Variants in NREP observed in about 807,000 individuals in gnomAD.
The protein encoded by NREP is neuronal regeneration-related protein.
Under a neutral mutation model 8.6 loss-of-function variants are expected in NREP, and 5 were observed. The ratio of observed to expected loss-of-function variants is 0.58; its 90% CI spans 0.30 to 1.22. NREP has a LOEUF of 1.22. Ranked by LOEUF, NREP falls within the 50% of genes most tolerant of loss-of-function variation. NREP has a pLI of 0.07. For synonymous variants in NREP, 27 were observed against 28.0 expected, an observed-to-expected ratio of 0.96 and a Z score of 0.11; for missense variants, 86 against 82.5, an observed-to-expected ratio of 1.04 and a Z score of -0.17.
At chr5:111,755,911 G>T in intron 1 of NREP, 81 bp from the exon 2 acceptor site, 1 of 1,573,196 alleles carries the variant, frequency 6.4e-7, no homozygotes, top group Non-Finnish European at 8.6e-7. Context: ...AGAGGTTACA[G>T]ACGAATAACC....
chr5:111,888,045 G>A (rs1754304001), intron 2 of NREP, among the ~76,000 whole-genome samples: 1 of 152,298 alleles, frequency 6.6e-6, no homozygotes, highest in East Asian at 1.9e-4. Flanking sequence ...AGTATTGAAG[G>A]AAAACAATGA....
chr5:111,775,541 T>C (rs957869090), intron 2 of NREP, among the ~76,000 whole-genome samples: 1 of 152,174 alleles, frequency 6.6e-6, no homozygotes, highest in Non-Finnish European at 1.5e-5. Context: ...CTTTTATACA[T>C]GCGGTCTTCC....
intron 2 of NREP, among the ~76,000 whole-genome samples, chr5:111,890,780 G>A (rs1006198848): frequency 4.6e-5 from 7 of 152,190 alleles, no homozygotes; most frequent in African/African-American, 1.4e-4. Flanking sequence ...GTCTCAGACT[G>A]GGTAAGGTAG....
At chr5:111,854,666 A>G (rs750897934) in intron 2 of NREP, among the ~76,000 whole-genome samples, 1 of 152,190 alleles carries the variant, frequency 6.6e-6, no homozygotes, top group African/African-American at 2.4e-5. Context: ...ATTCATGTAT[A>G]TGTCTGTTTC....
chr5:111,782,441 A>G lies in NREP; in HGVS notation c.136-46934T>C, dbSNP rs373771638. Reference sequence around the variant, plus strand: ...AATGGCAAGCCTCAGAGATGTGATCATATATTCTGCCAAACTTGGAACAAA... The same window carrying G: ...AATGGCAAGCCTCAGAGATGTGATCGTATATTCTGCCAAACTTGGAACAAA... On this transcript the variant is annotated intron_variant, in intron 2 of 3. Coordinates refer to the NREP transcript ENST00000395634. Among the ~76,000 whole-genome samples, 6 of 152,342 alleles carry G rather than the reference A, an allele frequency of 3.9e-5. No homozygotes were observed. The East Asian group carries it at 1.2e-3, about 29-fold the overall frequency.
chr5:111,781,174 G>A (rs255885), intron 2 of NREP, among the ~76,000 whole-genome samples: 16,783 of 152,044 alleles, frequency 0.11, 1,033 homozygotes, highest in East Asian at 0.25. Flanking sequence ...AGGCCCCAGT[G>A]TCTGTTTGAA....
intron 2 of NREP, among the ~76,000 whole-genome samples, chr5:111,864,815 A>T (rs1245067346): frequency 6.6e-6 from 1 of 152,174 alleles, no homozygotes; most frequent in African/African-American, 2.4e-5. Context: ...AAGGAAATTT[A>T]AAAAGGTTAT....
At position 111,756,853 on chromosome 5, in the gene NREP, T is replaced by C. The variant is rs1015069796; in HGVS notation, c.-59+283A>G. Among the ~76,000 whole-genome samples, 6 of 152,126 alleles carry C rather than the reference T, an allele frequency of 3.9e-5. 1 individual carries two copies. Among genetic ancestry groups the C allele is most frequent in the Non-Finnish European group, 8.8e-5 (6 of 68,026 alleles). On this transcript the variant is annotated intron_variant, in intron 1 of 3. Coordinates refer to ENST00000257435, the MANE Select transcript of NREP (RefSeq NM_004772.4). ...GCTTTAGGAGCAAGAAGAACAAAAT[T>C]AACCACACCAACAAGCACAAAACCC...
chr5:111,789,088 C>T (rs1272011160), intron 2 of NREP, among the ~76,000 whole-genome samples: 1 of 152,104 alleles, frequency 6.6e-6, no homozygotes. Context: ...TGAGCCTATT[C>T]CTTATTCTAA....
intron 2 of NREP, among the ~76,000 whole-genome samples, chr5:111,736,525 T>C (rs1749132847): frequency 6.6e-6 from 1 of 152,136 alleles, no homozygotes; most frequent in Admixed American, 6.6e-5. Flanking sequence ...TAGATGTGTG[T>C]TTACATTTTG....
chr5:111,875,416 G>C (rs191974705), intron 2 of NREP, among the ~76,000 whole-genome samples: 2 of 151,994 alleles, frequency 1.3e-5, no homozygotes, highest in East Asian at 3.9e-4. Context: ...TTCCAGAAAC[G>C]TATCAGGAAA....
At chr5:111,868,285 A>G (rs1753713090) in intron 2 of NREP, among the ~76,000 whole-genome samples, 1 of 152,160 alleles carries the variant, frequency 6.6e-6, no homozygotes, top group South Asian at 2.1e-4. Context: ...ACCCTTCTCA[A>G]CAAGGAAACA....
At chr5:111,731,442 A>AAAAAG (rs1185793434) in intron 3 of NREP, among the ~76,000 whole-genome samples, 4 of 151,618 alleles carry the variant, frequency 2.6e-5, no homozygotes, top group African/African-American at 9.7e-5. Flanking sequence ...AAAAAAAAAA[A>AAAAAG]AAAGAGTCCA....
upstream of NREP, among the ~76,000 whole-genome samples, chr5:111,759,077 A>G (rs1201546869): frequency 6.6e-6 from 1 of 152,216 alleles, no homozygotes; most frequent in Non-Finnish European, 1.5e-5. Flanking sequence ...TTTACCAGCC[A>G]GGGAAGTACT....
At chr5:111,764,796 A>G (rs945750953) in intron 2 of NREP, among the ~76,000 whole-genome samples, 8 of 152,228 alleles carry the variant, frequency 5.3e-5, no homozygotes, top group African/African-American at 1.9e-4. Context: ...CAGAAACTTC[A>G]GACATTAGAT....
At chr5:111,746,653 C>A (rs1020246453) in intron 2 of NREP, among the ~76,000 whole-genome samples, 7 of 152,090 alleles carry the variant, frequency 4.6e-5, no homozygotes, top group African/African-American at 1.7e-4. Flanking sequence ...GTTTTTAATC[C>A]TATACAATTA....
At chr5:111,890,559 G>T (rs1372240527) in intron 2 of NREP, among the ~76,000 whole-genome samples, 1 of 152,196 alleles carries the variant, frequency 6.6e-6, no homozygotes, top group Admixed American at 6.5e-5. Context: ...TCCAAACTCT[G>T]CCTGGGCACC....
Position 111,967,254 on chromosome 5 carries a change from G to A in NREP, c.135+8020C>T, listed in dbSNP as rs570775931. On this transcript the variant is annotated intron_variant, in intron 2 of 3. Coordinates refer to the NREP transcript ENST00000395634. ...GTCATGCACCATTAACATTCACACA[G>A]TAACTTCTCTCTCCTTTGTCCAACA... Among the ~76,000 whole-genome samples, 100 of 151,748 alleles carry A rather than the reference G, an allele frequency of 6.6e-4. 1 individual carries two copies. In the South Asian group the frequency reaches 0.02, roughly 31 times the overall value.
intron 2 of NREP, among the ~76,000 whole-genome samples, chr5:111,747,211 T>G (rs1286270016): frequency 6.6e-6 from 1 of 152,172 alleles, no homozygotes; most frequent in African/African-American, 2.4e-5. Context: ...TACTGACTAG[T>G]TTTCCCTTGA....
Sources: allele counts gnomAD v4.1 joint callset (sites outside exome capture counted in the v4.1 genomes callset), GRCh38; gene constraint gnomAD v4.1.1; transcripts MANE v1.5; gene names NCBI Gene and HGNC (gene_info 2026-07-23, HGNC 2026-07-21).